Variants in LAMA2 observed in about 807,000 individuals in gnomAD.
The protein encoded by LAMA2 is laminin subunit alpha-2.
Under a neutral mutation model 364.8 loss-of-function variants are expected in LAMA2, and 269 were observed. The observed-to-expected ratio is 0.74, with a 90% confidence interval of 0.67 to 0.82. The LOEUF is 0.82. LAMA2 is among the 40% of genes least tolerant of loss of function. The pLI, the probability that LAMA2 is intolerant of heterozygous loss-of-function variation, is 0.00. For synonymous variants in LAMA2, 1,379 were observed against 1,370.6 expected (o/e 1.01, Z -0.14); for missense variants, 3,807 against 3,873.2 (o/e 0.98, Z 0.45).
At chr6:129,127,873 TGGAACTCTTTA>T (rs1466051869) in intron 4 of LAMA2, among the ~76,000 whole-genome samples, 1 of 152,144 alleles carries the variant, frequency 6.6e-6, no homozygotes, top group Non-Finnish European at 1.5e-5. Context: ...CTTAAGTTGA[TGGAACTCTTTA>T]TATATTTGTG....
At chr6:129,461,784 T>A (rs1272960235) in intron 49 of LAMA2, among the ~76,000 whole-genome samples, 6 of 145,060 alleles carry the variant, frequency 4.1e-5, no homozygotes, top group African/African-American at 1.6e-4. Flanking sequence ...ATACGTAGGG[T>A]GTTTTGTAGG....
At chr6:129,161,537 A>G (rs994928031) in intron 8 of LAMA2, among the ~76,000 whole-genome samples, 3 of 151,986 alleles carry the variant, frequency 2.0e-5, no homozygotes, top group African/African-American at 7.3e-5. Flanking sequence ...TTTCCATTCC[A>G]ACTTTTATTT....
intron 12 of LAMA2, among the ~76,000 whole-genome samples, chr6:129,226,303 G>A (rs918382477): frequency 6.6e-6 from 1 of 152,108 alleles, no homozygotes; most frequent in Non-Finnish European, 1.5e-5. Flanking sequence ...GCCAGTCTGT[G>A]TCTTTTAATT....
chr6:129,486,542 G>A lies in LAMA2; in HGVS notation c.7818G>A (p.Met2606Ile). 6.2e-7 allele frequency: 1 copy of A among 1,614,010 alleles called. No homozygotes were observed. Among genetic ancestry groups the A allele is most frequent in the Non-Finnish European group, 8.5e-7 (1 of 1,179,910 alleles). The change falls in exon 56 of 65, where the codon ATG (methionine) becomes ATA (isoleucine). Residue 2606 changes from methionine (M) to isoleucine (I), a missense_variant. Around this residue, in one of 3 missense-constraint regions of LAMA2, gnomAD observed 3,333 missense variants for 3,345.7 expected, o/e 1.00. Transcript: ENST00000421865. ...ATCTCTCCACAGGGGCACGAACAATGAGGAAAATTGTGATCAGACCAGAGC... is the reference window on the plus strand; with the variant it reads ...ATCTCTCCACAGGGGCACGAACAATAAGGAAAATTGTGATCAGACCAGAGC... ...EVHLSTGART[M>I]RKIVIRPEPN...
At chr6:129,460,077 C>A (rs769700730) in intron 48 of LAMA2, 123 bp from the exon 49 acceptor site, 226 of 953,168 alleles carry the variant, frequency 2.4e-4, no homozygotes, top group Middle Eastern at 1.7e-3. Context: ...TGTACATATG[C>A]CAAAATATCA....
At chr6:129,188,793 C>A (rs1370849759) in intron 10 of LAMA2, among the ~76,000 whole-genome samples, 1 of 151,892 alleles carries the variant, frequency 6.6e-6, no homozygotes, top group Non-Finnish European at 1.5e-5. Context: ...ACAAATTATT[C>A]TCTTGGATAT....
At chr6:129,380,478 A>T (rs1348114383) in intron 34 of LAMA2, among the ~76,000 whole-genome samples, 2 of 152,200 alleles carry the variant, frequency 1.3e-5, no homozygotes, top group African/African-American at 4.8e-5. Flanking sequence ...AGAGGTTGTC[A>T]ATAAATAGGT....
chr6:129,476,334 T>C (rs531777007), intron 53 of LAMA2, among the ~76,000 whole-genome samples: 25 of 152,340 alleles, frequency 1.6e-4, no homozygotes, highest in African/African-American at 6.0e-4. Context: ...CGTTTTATCA[T>C]GATACAGTTG....
At chr6:129,163,188 G>A (rs7762236) in intron 8 of LAMA2, among the ~76,000 whole-genome samples, 50,804 of 151,806 alleles carry the variant, frequency 0.33, 12,040 homozygotes, top group African/African-American at 0.68. Flanking sequence ...TAGGACTCCA[G>A]CTGCATGTGT....
intron 3 of LAMA2, among the ~76,000 whole-genome samples, chr6:129,095,547 T>C (rs1411907614): frequency 6.6e-6 from 1 of 152,124 alleles, no homozygotes; most frequent in Non-Finnish European, 1.5e-5. Context: ...TGTGTTTATG[T>C]AAAATTAAAT....
In LAMA2 at chr6:129,393,115, G is replaced by A. The variant is rs1282262836; in HGVS notation, c.5305G>A (p.Glu1769Lys). ...GTCCCGGGGGGAAAATGAAGAAATG[G>A]AGAAGGATCTCCGGGAAAAACTGGC... ...GESRGENEEMEKDLREKLADY... is the reference protein window; with the variant it reads ...GESRGENEEMKKDLREKLADY... Residue 1769 changes from glutamate (E) to lysine (K), a missense_variant, in exon 37 of 65, where the codon GAG becomes AAG. Physicochemically the swap from Glu to Lys is moderately conservative, Grantham distance 56. Coordinates refer to ENST00000421865, the MANE Select transcript of LAMA2 (RefSeq NM_000426.4). 1.2e-6 allele frequency: 2 copies of A among 1,613,940 alleles called. No individual in the cohort carries two copies. The highest frequency in any genetic ancestry group is 1.3e-5 in the African/African-American group (1 of 74,926).
chr6:129,398,622 G>A (rs530905876), intron 37 of LAMA2, among the ~76,000 whole-genome samples: 1 of 151,764 alleles, frequency 6.6e-6, no homozygotes, highest in African/African-American at 2.4e-5. Flanking sequence ...TTACAGGCAT[G>A]CACCACCACA....
At chr6:129,018,534 T>TA (rs374794064) in intron 1 of LAMA2, among the ~76,000 whole-genome samples, 5,165 of 139,158 alleles carry the variant, frequency 0.037, 232 homozygotes, top group African/African-American at 0.11. Context: ...ACTTGAGATT[T>TA]AAAAAAAAAA....
intron 4 of LAMA2, among the ~76,000 whole-genome samples, chr6:129,131,796 T>C (rs1025827377): frequency 8.5e-5 from 13 of 152,208 alleles, no homozygotes; most frequent in Non-Finnish European, 1.3e-4. Context: ...ACTACAAATC[T>C]CCTCAATGAA....
At position 129,270,589 on chromosome 6, in the gene LAMA2, A is replaced by G. The variant is rs376001971; in HGVS notation, c.2323-35A>G. ...TGGCAACATGTTGATCCCTGACACC[A>G]AAATAATAAACTCTGATGCTCATTT... On this transcript the variant is annotated intron_variant, in intron 16 of 64. Coordinates refer to ENST00000421865, the MANE Select transcript of LAMA2 (RefSeq NM_000426.4). 43 of 1,611,494 alleles carry G rather than the reference A, an allele frequency of 2.7e-5. No homozygotes were observed. The African/African-American group carries it at 3.1e-4, about 12-fold the overall frequency.
chr6:129,326,668 T>C (rs1027475277), intron 28 of LAMA2, among the ~76,000 whole-genome samples: 1 of 147,534 alleles, frequency 6.8e-6, no homozygotes, highest in African/African-American at 2.5e-5. Flanking sequence ...ACCTAGCAAG[T>C]ATGTCAATAA....
chr6:128,916,174 A>G (rs1778300414), intron 1 of LAMA2, among the ~76,000 whole-genome samples: 1 of 152,124 alleles, frequency 6.6e-6, no homozygotes, highest in Non-Finnish European at 1.5e-5. Flanking sequence ...TAGCAGTTTA[A>G]TGGTCTTAAG....
At chr6:129,486,682 C>A (rs115725714) in intron 56 of LAMA2, 60 bp downstream of exon 56, 9 of 1,469,996 alleles carry the variant, frequency 6.1e-6, no homozygotes, top group Non-Finnish European at 7.6e-6. Flanking sequence ...TTGCTAGCAT[C>A]GGTATCTATC....
rs555778656 is a variant in LAMA2 at position 129,151,034 on chromosome 6, A to G, written c.1027+1938A>G. On this transcript the variant is annotated intron_variant, in intron 7 of 64. Transcript: ENST00000421865. ...TGAGCCTTTACTAAACAACAGTTTC[A>G]TATGATATATCTTGGACATTCTGTG... 6.4e-3 allele frequency among the ~76,000 whole-genome samples: 972 copies of G among 152,326 alleles called. 9 individuals are homozygous for G. Among genetic ancestry groups the G allele is most frequent in the African/African-American group, 0.022 (932 of 41,568 alleles).
Sources: allele counts gnomAD v4.1 joint callset (sites outside exome capture counted in the v4.1 genomes callset), GRCh38; gene constraint gnomAD v4.1.1; regional missense constraint gnomAD v4.1.1; transcripts MANE v1.5; gene names NCBI Gene and HGNC (gene_info 2026-07-23, HGNC 2026-07-21).